HFM1: variants seen among roughly 807,000 people sequenced by gnomAD.
The protein encoded by HFM1 is probable ATP-dependent DNA helicase HFM1.
HFM1 carries 169 observed loss-of-function variants against 192.1 expected under a neutral mutation model. The ratio of observed to expected loss-of-function variants is 0.88; its 90% CI spans 0.78 to 1.00. The LOEUF (loss-of-function observed/expected upper bound fraction) is 1.00. Ranked by LOEUF, HFM1 falls within the 50% of genes least tolerant of loss-of-function variation. HFM1 has a pLI of 0.00. For missense variants in HFM1, 1,661 were observed against 1,668.0 expected (o/e 1.00, Z 0.07); for synonymous variants, 525 against 537.8 (o/e 0.98, Z 0.33).
At position 91,347,411 on chromosome 1, in the gene HFM1, G is replaced by A. The variant is rs764405920; in HGVS notation, c.2254+18C>T. 1.3e-5 allele frequency: 19 copies of A among 1,441,524 alleles called. No individual in the cohort carries two copies. Among genetic ancestry groups the A allele is most frequent in the African/African-American group, 2.8e-5 (2 of 70,324 alleles). The allele number at this position is 1,441,524 out of a possible 1,614,324, so 89.3% of individuals were successfully genotyped here. A position where few individuals can be genotyped will look rare whatever the true frequency, so the allele number is the denominator to read the frequency against. On this transcript the variant is annotated intron_variant, in intron 19 of 38. Transcript: ENST00000370425. ...TAAAATATATAGAATCTAATTTTTA[G>A]AATGAAATGCATCTAACCTTGTAAT...
At chr1:91,385,518 C>T (rs1662088353) in intron 5 of HFM1, 57 bp downstream of exon 5, 5 of 1,384,130 alleles carry the variant, frequency 3.6e-6, no homozygotes, top group Non-Finnish European at 4.0e-6. Context: ...TTCCCCCATG[C>T]TAAGAAATGT....
intron 20 of HFM1, 35 bp downstream of exon 20, chr1:91,343,395 A>G: frequency 9.8e-7 from 1 of 1,021,552 alleles, no homozygotes; most frequent in East Asian, 2.6e-5. Context: ...TTAAGTAAAC[A>G]ATTGCTAAAT....
At chr1:91,302,877 TACATATGTA>T in intron 30 of HFM1, among the ~76,000 whole-genome samples, 1 of 152,264 alleles carries the variant, frequency 6.6e-6, no homozygotes, top group South Asian at 2.1e-4. Context: ...GGCACATGTA[TACATATGTA>T]ACAAACCCGC....
chr1:91,272,031 C>T (rs944254331), intron 34 of HFM1, among the ~76,000 whole-genome samples: 1 of 151,980 alleles, frequency 6.6e-6, no homozygotes, highest in Non-Finnish European at 1.5e-5. Flanking sequence ...TTCTTCTTCC[C>T]TTTTTGAAAT....
At chr1:91,268,476 G>A (rs1289961808) in intron 34 of HFM1, among the ~76,000 whole-genome samples, 1 of 152,000 alleles carries the variant, frequency 6.6e-6, no homozygotes, top group Non-Finnish European at 1.5e-5. Context: ...GTCTTAGACA[G>A]TAATTCAAAC....
chr1:91,378,230 A>G (rs746327937), intron 10 of HFM1, 47 bp from the exon 11 acceptor site: 1 of 1,390,064 alleles, frequency 7.2e-7, no homozygotes, highest in Non-Finnish European at 9.8e-7. Flanking sequence ...AATTAAAAAT[A>G]CATTTAATCA....
chr1:91,401,157 A>G, intron 1 of HFM1, 48 bp from the exon 2 acceptor site: 1 of 820,812 alleles, frequency 1.2e-6, no homozygotes, highest in Non-Finnish European at 1.9e-6. Flanking sequence ...TAAAGATGTA[A>G]AAAAATATTT....
chr1:91,273,137 A>AT (rs1406778757), intron 34 of HFM1, among the ~76,000 whole-genome samples: 3 of 152,044 alleles, frequency 2.0e-5, no homozygotes, highest in Non-Finnish European at 2.9e-5. Flanking sequence ...ACGGACACAG[A>AT]TAAAAAAGCA....
intron 21 of HFM1, among the ~76,000 whole-genome samples, chr1:91,323,574 T>C (rs888262026): frequency 3.3e-5 from 5 of 152,232 alleles, no homozygotes; most frequent in Non-Finnish European, 7.4e-5. Flanking sequence ...GCTATTCTAC[T>C]GTTCTATAGT....
Position 91,390,293 on chromosome 1 carries a change from G to A in HFM1, c.494+3800C>T, listed in dbSNP as rs182917221. On this transcript the variant is annotated intron_variant, in intron 4 of 38. Coordinates refer to ENST00000370425, the MANE Select transcript of HFM1 (RefSeq NM_001017975.6). ...TCTACTAAAAATACAAAAATTAGCCGGGTGTGGTGGCGCACGCCTGTAGTT... is the reference window on the plus strand; with the variant it reads ...TCTACTAAAAATACAAAAATTAGCCAGGTGTGGTGGCGCACGCCTGTAGTT... Among the ~76,000 whole-genome samples the A allele has an allele frequency of 2.2e-3, 342 of 152,086 alleles. 3 individuals are homozygous for A. Among genetic ancestry groups the A allele is most frequent in the African/African-American group, 7.6e-3 (314 of 41,500 alleles).
intron 30 of HFM1, among the ~76,000 whole-genome samples, chr1:91,309,648 G>C (rs528336064): frequency 6.6e-6 from 1 of 152,100 alleles, no homozygotes; most frequent in Non-Finnish European, 1.5e-5. Flanking sequence ...TTTATTGTGT[G>C]TGTAATGTAT....
At chr1:91,311,182 T>C (rs1293801517) in intron 30 of HFM1, among the ~76,000 whole-genome samples, 1 of 152,128 alleles carries the variant, frequency 6.6e-6, no homozygotes, top group African/African-American at 2.4e-5. Flanking sequence ...TCTTGTTACG[T>C]TTTAGCAAAG....
At chr1:91,329,171 C>T in intron 20 of HFM1, 1 of 1,610,024 alleles carries the variant, frequency 6.2e-7, no homozygotes, top group Non-Finnish European at 8.5e-7. Flanking sequence ...GACTTGACCC[C>T]AACAAGTACC....
At chr1:91,314,734 G>T (rs1248992720) in intron 28 of HFM1, among the ~76,000 whole-genome samples, 1 of 152,160 alleles carries the variant, frequency 6.6e-6, no homozygotes, top group East Asian at 1.9e-4. Flanking sequence ...AAAATGGTTT[G>T]TATCTAATAA....
At chr1:91,377,065 T>C (rs1181944137) in intron 11 of HFM1, among the ~76,000 whole-genome samples, 1 of 139,648 alleles carries the variant, frequency 7.2e-6, no homozygotes, top group African/African-American at 2.7e-5. Flanking sequence ...GAATATTTAA[T>C]GATATAAAAA....
chr1:91,351,232 TTAG>T (rs1487189059), intron 17 of HFM1, among the ~76,000 whole-genome samples: 1 of 151,850 alleles, frequency 6.6e-6, no homozygotes, highest in Non-Finnish European at 1.5e-5. Context: ...TTATTACAAA[TTAG>T]TAATTATAAA....
intron 13 of HFM1, among the ~76,000 whole-genome samples, chr1:91,372,463 C>G (rs1173656724): frequency 6.6e-6 from 1 of 152,182 alleles, no homozygotes; most frequent in Non-Finnish European, 1.5e-5. Context: ...TGGAAACTAT[C>G]ATTCGCAGCA....
chr1:91,291,400 A>G (rs934205542), intron 30 of HFM1, among the ~76,000 whole-genome samples: 1 of 152,172 alleles, frequency 6.6e-6, no homozygotes, highest in Non-Finnish European at 1.5e-5. Context: ...AATACAAACT[A>G]CCATCAGATA....
At chr1:91,297,327 A>C (rs1349763242) in intron 30 of HFM1, among the ~76,000 whole-genome samples, 7 of 152,224 alleles carry the variant, frequency 4.6e-5, no homozygotes, top group African/African-American at 1.7e-4. Context: ...CCACAGCTCA[A>C]GGAGGCCTGC....
Sources: gnomAD v4.1 joint callset for allele counts (sites outside exome capture counted in the v4.1 genomes callset) on GRCh38, gnomAD v4.1.1 for gene constraint, MANE v1.5 for transcripts, NCBI Gene and HGNC (gene_info 2026-07-23, HGNC 2026-07-21) for gene names.